Variants in CCDC169 observed in about 807,000 individuals in gnomAD.
The protein encoded by CCDC169 is coiled-coil domain containing 169.
Under a neutral mutation model 36.0 loss-of-function variants are expected in CCDC169, and 30 were observed. The ratio of observed to expected loss-of-function variants is 0.83; its 90% CI spans 0.62 to 1.13. The LOEUF is 1.13. Among genes scored for constraint, CCDC169 ranks in the 50% most tolerant of loss-of-function variants. CCDC169 has a pLI of 0.00. For missense variants in CCDC169, 245 were observed against 245.9 expected, an observed-to-expected ratio of 1.00 and a Z score of 0.03; for synonymous variants, 85 against 81.5, an observed-to-expected ratio of 1.04 and a Z score of -0.23.
At chr13:36,256,062 G>A (rs576522233) in intron 4 of CCDC169, among the ~76,000 whole-genome samples, 15 of 152,260 alleles carry the variant, frequency 9.9e-5, no homozygotes, top group East Asian at 1.9e-4. Context: ...GCCTGCAAGC[G>A]TTGCTTCCAT....
At chr13:36,222,605 T>C (rs9546765), downstream of CCDC169, 61,615 of 151,964 alleles carry the variant, frequency 0.41, 13,275 homozygotes, top group Non-Finnish European at 0.48. Flanking sequence ...CTCTGTGGGG[T>C]GAAGCTCACT....
chr13:36,283,834 G>C, intron 2 of CCDC169, 132 bp from the exon 3 acceptor site: 1 of 689,698 alleles, frequency 1.4e-6, no homozygotes. Flanking sequence ...CAACTAGAAG[G>C]AAATAGTTAT....
chr13:36,267,664 A>G (rs544254135), intron 4 of CCDC169, among the ~76,000 whole-genome samples: 2 of 152,176 alleles, frequency 1.3e-5, no homozygotes, highest in African/African-American at 4.8e-5. Context: ...ATACAGAATG[A>G]ATTTAAAAAA....
At chr13:36,236,966 C>A (rs929695441) in intron 7 of CCDC169, among the ~76,000 whole-genome samples, 2 of 135,248 alleles carry the variant, frequency 1.5e-5, no homozygotes, top group African/African-American at 5.1e-5. Context: ...TACTTTAAAT[C>A]ATCTCTAGAT....
chr13:36,239,191 T>C (rs1276916951), intron 7 of CCDC169, among the ~76,000 whole-genome samples: 3 of 151,768 alleles, frequency 2.0e-5, no homozygotes, highest in African/African-American at 7.3e-5. Flanking sequence ...TGAGCAATCA[T>C]TGTACCACTG....
intron 6 of CCDC169, among the ~76,000 whole-genome samples, chr13:36,249,423 T>A (rs1002023590): frequency 6.6e-6 from 1 of 152,162 alleles, no homozygotes; most frequent in Non-Finnish European, 1.5e-5. Context: ...GTAAAATGCC[T>A]CACAGATGCT....
chr13:36,283,578 G>A lies in CCDC169; in HGVS notation c.274+14C>T. ...AACTCAAATTATAAAATGTACATAT[G>A]ATTGGTTTTGTACCTGAAGAGTTTC... is the stretch of plus-strand genomic sequence containing the variant. On this transcript the variant is annotated intron_variant, in intron 3 of 7. Transcript: ENST00000239859. The A allele has an allele frequency of 6.4e-7, 1 of 1,551,126 alleles. No individual in the cohort carries two copies. The highest frequency in any genetic ancestry group is 8.7e-7 in the Non-Finnish European group (1 of 1,146,708).
chr13:36,285,572 A>G (rs1241362888), intron 2 of CCDC169, among the ~76,000 whole-genome samples: 20 of 104,526 alleles, frequency 1.9e-4, no homozygotes, highest in Non-Finnish European at 3.5e-4. Flanking sequence ...ATTTTTCTCA[A>G]AAAAATAAAA....
intron 7 of CCDC169, among the ~76,000 whole-genome samples, chr13:36,246,780 TGCAA>T (rs1872549186): frequency 6.6e-6 from 1 of 152,178 alleles, no homozygotes; most frequent in Admixed American, 6.6e-5. Context: ...TGGAAAAAGA[TGCAA>T]GCTGAGAAAA....
chr13:36,281,126 G>T, intron 4 of CCDC169: 1 of 348,408 alleles, frequency 2.9e-6, no homozygotes. Context: ...CTGAGAAGGC[G>T]AAGCAGCCAT....
At chr13:36,257,917 G>A (rs1874120791) in intron 4 of CCDC169, among the ~76,000 whole-genome samples, 1 of 151,882 alleles carries the variant, frequency 6.6e-6, no homozygotes. Context: ...TGAGTAAGTG[G>A]GTAAAGTCCC....
chr13:36,231,881 G>C (rs899823019), intron 7 of CCDC169, among the ~76,000 whole-genome samples: 1 of 151,598 alleles, frequency 6.6e-6, no homozygotes, highest in Admixed American at 6.6e-5. Context: ...ATTTTGTTTT[G>C]AAAACTGGAT....
intron 4 of CCDC169, among the ~76,000 whole-genome samples, chr13:36,269,064 A>G (rs966820162): frequency 6.6e-6 from 1 of 152,086 alleles, no homozygotes; most frequent in Non-Finnish European, 1.5e-5. Context: ...AGATTGTGCC[A>G]CTGCACTCCA....
intron 2 of CCDC169, among the ~76,000 whole-genome samples, chr13:36,290,889 G>A (rs1011193446): frequency 1.1e-4 from 17 of 151,512 alleles, no homozygotes; most frequent in African/African-American, 2.7e-4. Context: ...TGGACCAGGG[G>A]CAAGTAGCCA....
intron 1 of CCDC169, among the ~76,000 whole-genome samples, chr13:36,296,672 C>T (rs1444089041): frequency 6.6e-6 from 1 of 152,086 alleles, no homozygotes; most frequent in Non-Finnish European, 1.5e-5. Context: ...GTATTAAATA[C>T]GGAAGAATTC....
chr13:36,297,225 C>T, intron 1 of CCDC169, among the ~76,000 whole-genome samples: 1 of 151,582 alleles, frequency 6.6e-6, no homozygotes, highest in Non-Finnish European at 1.5e-5. Flanking sequence ...AACAGTTTTA[C>T]TAAATGTCAT....
intron 4 of CCDC169, among the ~76,000 whole-genome samples, chr13:36,265,821 T>G (rs548563389): frequency 6.6e-6 from 1 of 152,224 alleles, no homozygotes; most frequent in African/African-American, 2.4e-5. Flanking sequence ...GTGATGGAGA[T>G]AGTTATCACT....
At chr13:36,246,713 G>A (rs1872539104) in intron 7 of CCDC169, among the ~76,000 whole-genome samples, 3 of 152,184 alleles carry the variant, frequency 2.0e-5, no homozygotes, top group African/African-American at 7.2e-5. Context: ...TAAGATCACT[G>A]ATGAAGGTGA....
At chr13:36,245,656 C>T (rs955956665) in intron 7 of CCDC169, among the ~76,000 whole-genome samples, 1 of 152,158 alleles carries the variant, frequency 6.6e-6, no homozygotes, top group Non-Finnish European at 1.5e-5. Flanking sequence ...GTTTAAACTG[C>T]ACTGTCACCT....
Sources: gnomAD v4.1 joint callset for allele counts (sites outside exome capture counted in the v4.1 genomes callset) on GRCh38, gnomAD v4.1.1 for gene constraint, MANE v1.5 for transcripts, NCBI Gene and HGNC (gene_info 2026-07-23, HGNC 2026-07-21) for gene names.